NTM: variants seen among roughly 807,000 people sequenced by gnomAD.
The protein encoded by NTM is neurotrimin.
A neutral mutation model predicts 42.1 loss-of-function variants in NTM; 13 were observed. The ratio of observed to expected loss-of-function variants is 0.31; its 90% CI spans 0.20 to 0.49. The LOEUF is 0.49. Ranked by LOEUF, NTM falls within the 20% of genes least tolerant of loss-of-function variation. The pLI is 0.99. For synonymous variants in NTM, 187 were observed against 179.2 expected (o/e 1.04, Z -0.35); for missense variants, 373 against 452.8 (o/e 0.82, Z 1.60).
intron 1 of NTM, among the ~76,000 whole-genome samples, chr11:131,598,117 T>C (rs2059973508): frequency 6.6e-6 from 1 of 152,152 alleles, no homozygotes; most frequent in Non-Finnish European, 1.5e-5. Context: ...CTTTCCAGGC[T>C]GGAAGGGGAG....
rs550057049 is a variant in NTM, at chr11:131,729,317, G to A, written c.83-182247G>A. Among the ~76,000 whole-genome samples, 4 of 152,304 alleles carry A rather than the reference G, an allele frequency of 2.6e-5. No homozygotes were observed. In the East Asian group the frequency reaches 7.7e-4, roughly 29 times the overall value. On this transcript the variant is annotated intron_variant, in intron 1 of 8. Transcript: ENST00000683400. ...GAAATATTGGTACAGTGCACTCTGA[G>A]TTCACACCTGTGTACCTGGGTTATT...
chr11:132,092,217 G>A (rs543183988), intron 2 of NTM, among the ~76,000 whole-genome samples: 1 of 152,254 alleles, frequency 6.6e-6, no homozygotes, highest in Admixed American at 6.5e-5. Context: ...TTGATTTCTT[G>A]TCCAAATTCT....
At chr11:132,238,930 G>C (rs771643934) in intron 4 of NTM, among the ~76,000 whole-genome samples, 2 of 152,194 alleles carry the variant, frequency 1.3e-5, no homozygotes, top group Admixed American at 6.5e-5. Context: ...GCACTGCCTT[G>C]TTCAAGATCA....
intron 1 of NTM, among the ~76,000 whole-genome samples, chr11:131,595,312 T>C (rs575618754): frequency 6.6e-6 from 1 of 152,078 alleles, no homozygotes; most frequent in Non-Finnish European, 1.5e-5. Context: ...AAAGCTTTGA[T>C]GAGATCCAAT....
At chr11:131,538,808 A>G (rs1043206013) in intron 1 of NTM, among the ~76,000 whole-genome samples, 10 of 151,964 alleles carry the variant, frequency 6.6e-5, no homozygotes, top group African/African-American at 2.4e-4. Context: ...ATTGTACAGC[A>G]TGGGGACTAC....
intron 1 of NTM, among the ~76,000 whole-genome samples, chr11:131,830,425 T>C (rs1265147536): frequency 2.0e-5 from 3 of 152,186 alleles, no homozygotes; most frequent in African/African-American, 7.2e-5. Flanking sequence ...TAATAGTGAG[T>C]CCTTTCCCCA....
At chr11:131,618,682 A>T (rs1179698453) in intron 1 of NTM, among the ~76,000 whole-genome samples, 1 of 152,202 alleles carries the variant, frequency 6.6e-6, no homozygotes, top group Non-Finnish European at 1.5e-5. Flanking sequence ...TGCTAGTTAC[A>T]CACGTTCTAT....
intron 1 of NTM, among the ~76,000 whole-genome samples, chr11:131,778,356 T>G (rs761920512): frequency 2.6e-5 from 4 of 152,240 alleles, no homozygotes; most frequent in Admixed American, 6.5e-5. Flanking sequence ...CTTTGAATGT[T>G]GCTTAAGATT....
At chr11:131,371,101 T>C (rs1217193929) in intron 1 of NTM, 1 of 985,260 alleles carries the variant, frequency 1.0e-6, no homozygotes, top group East Asian at 1.1e-4. Context: ...AATATGTATG[T>C]GCATAAGTAA....
chr11:131,730,609 C>T (rs2079525204), intron 1 of NTM, among the ~76,000 whole-genome samples: 1 of 152,070 alleles, frequency 6.6e-6, no homozygotes, highest in African/African-American at 2.4e-5. Context: ...GTCCCAGCTA[C>T]TCAAGAGGCT....
intron 1 of NTM, among the ~76,000 whole-genome samples, chr11:131,501,076 A>C (rs1203084292): frequency 6.6e-6 from 1 of 152,032 alleles, no homozygotes; most frequent in Admixed American, 6.5e-5. Context: ...ACATAACCAC[A>C]ATCCAAATTC....
chr11:131,802,700 C>T (rs186178888), intron 1 of NTM, among the ~76,000 whole-genome samples: 42 of 152,326 alleles, frequency 2.8e-4, no homozygotes, highest in Admixed American at 2.1e-3. Flanking sequence ...GCTCCTTTCT[C>T]GTGCAAACAG....
chr11:132,021,589 GTCT>G (rs2074344239), intron 2 of NTM, among the ~76,000 whole-genome samples: 1 of 152,094 alleles, frequency 6.6e-6, no homozygotes, highest in Non-Finnish European at 1.5e-5. Flanking sequence ...TGTGGACTCT[GTCT>G]TCTTTGCTAT....
chr11:131,944,243 A>G (rs1176585419), intron 2 of NTM, among the ~76,000 whole-genome samples: 1 of 152,218 alleles, frequency 6.6e-6, no homozygotes, highest in African/African-American at 2.4e-5. Flanking sequence ...ATTTGTTAAA[A>G]TCAGACACTG....
intron 1 of NTM, among the ~76,000 whole-genome samples, chr11:131,391,276 A>G (rs2512653): frequency 0.92 from 139,713 of 152,062 alleles, 64,297 homozygotes; most frequent in African/African-American, 0.96. Context: ...TCTCCGCCAC[A>G]TACTTCTCTG....
At chr11:132,070,073 A>C (rs1262095818) in intron 2 of NTM, among the ~76,000 whole-genome samples, 1 of 147,722 alleles carries the variant, frequency 6.8e-6, no homozygotes, top group Non-Finnish European at 1.5e-5. Context: ...CAGCCAAGTT[A>C]ACACGTCACA....
intron 4 of NTM, among the ~76,000 whole-genome samples, chr11:132,234,435 G>A (rs2088327649): frequency 6.6e-6 from 1 of 152,016 alleles, no homozygotes; most frequent in Non-Finnish European, 1.5e-5. Context: ...TCTTCTTCCT[G>A]CCTCTTCACC....
intron 1 of NTM, among the ~76,000 whole-genome samples, chr11:131,615,976 T>C (rs1286719941): frequency 6.6e-6 from 1 of 152,254 alleles, no homozygotes; most frequent in African/African-American, 2.4e-5. Flanking sequence ...GAAGCAAGGC[T>C]AAGCGTGGCT....
intron 4 of NTM, among the ~76,000 whole-genome samples, chr11:132,218,282 G>C (rs1436948440): frequency 6.6e-6 from 1 of 152,154 alleles, no homozygotes; most frequent in Non-Finnish European, 1.5e-5. Context: ...AGAAGAAAAA[G>C]GGAGAAAGAG....
Sources: allele counts gnomAD v4.1 joint callset (sites outside exome capture counted in the v4.1 genomes callset), GRCh38; gene constraint gnomAD v4.1.1; transcripts MANE v1.5; gene names NCBI Gene and HGNC (gene_info 2026-07-23, HGNC 2026-07-21).